The following RBFOX1 variants were observed in gnomAD, a reference collection of about 807,000 sequenced individuals.
RBFOX1 encodes RNA binding protein fox-1 homolog 1.
A neutral mutation model predicts 57.7 loss-of-function variants in RBFOX1; 8 were observed. The ratio of observed to expected loss-of-function variants is 0.14; its 90% CI spans 0.08 to 0.25. The LOEUF is 0.25. RBFOX1 is among the 10% of genes least tolerant of loss of function. The pLI is 1.00. For missense variants in RBFOX1, 611 were observed against 548.5 expected (o/e 1.11, Z -1.14); for synonymous variants, 326 against 222.4 (o/e 1.47, Z -4.15).
chr16:6,815,757 T>A (rs1348303005), intron 3 of RBFOX1, among the ~76,000 whole-genome samples: 1 of 152,188 alleles, frequency 6.6e-6, no homozygotes, highest in Non-Finnish European at 1.5e-5. Flanking sequence ...AAGTCTATAG[T>A]TTGCAGCCAA....
At chr16:5,785,527 C>G (rs1409608002) in intron 3 of RBFOX1, among the ~76,000 whole-genome samples, 2 of 151,644 alleles carry the variant, frequency 1.3e-5, no homozygotes, top group African/African-American at 4.8e-5. Context: ...TTCTTTCTTT[C>G]TTTCTTTTTC....
chr16:7,250,574 C>G (rs1344393388), intron 4 of RBFOX1, among the ~76,000 whole-genome samples: 1 of 152,202 alleles, frequency 6.6e-6, no homozygotes, highest in Non-Finnish European at 1.5e-5. Flanking sequence ...AAGGCAAAGA[C>G]TAAGAGTATA....
At chr16:6,203,764 G>C (rs1016328809) in intron 1 of RBFOX1, among the ~76,000 whole-genome samples, 1 of 152,126 alleles carries the variant, frequency 6.6e-6, no homozygotes, top group Admixed American at 6.5e-5. Flanking sequence ...AACATAAATT[G>C]GTGCAGCCAC....
At chr16:6,506,890 C>A (rs968535994) in intron 2 of RBFOX1, among the ~76,000 whole-genome samples, 2 of 152,076 alleles carry the variant, frequency 1.3e-5, no homozygotes, top group Non-Finnish European at 2.9e-5. Context: ...TCAAGTGATC[C>A]ACCTGCCTTG....
intron 2 of RBFOX1, among the ~76,000 whole-genome samples, chr16:6,441,114 C>T (rs918991704): frequency 1.3e-5 from 2 of 152,116 alleles, no homozygotes; most frequent in African/African-American, 4.8e-5. Flanking sequence ...AGCCCAGTGC[C>T]GTTGCTCTCA....
At chr16:5,609,096 C>G (rs1212753189) in intron 3 of RBFOX1, among the ~76,000 whole-genome samples, 1 of 152,098 alleles carries the variant, frequency 6.6e-6, no homozygotes, top group Non-Finnish European at 1.5e-5. Context: ...GTTCAATATT[C>G]TCAGTAATGA....
At chr16:7,418,819 C>CT (rs1440603733) in intron 4 of RBFOX1, among the ~76,000 whole-genome samples, 1 of 151,736 alleles carries the variant, frequency 6.6e-6, no homozygotes, top group Non-Finnish European at 1.5e-5. Flanking sequence ...TCTCTCACCT[C>CT]TTTTTTCTCT....
intron 2 of RBFOX1, among the ~76,000 whole-genome samples, chr16:6,377,312 C>G (rs983384625): frequency 6.6e-6 from 1 of 151,282 alleles, no homozygotes; most frequent in Non-Finnish European, 1.5e-5. Context: ...AAAAAGGTAT[C>G]AGTCCCTGTA....
intron 1 of RBFOX1, among the ~76,000 whole-genome samples, chr16:6,305,349 A>G (rs894985704): frequency 6.6e-6 from 1 of 152,174 alleles, no homozygotes; most frequent in Admixed American, 6.5e-5. Context: ...TGTCAGTGCA[A>G]TGCTGCATGC....
intron 1 of RBFOX1, among the ~76,000 whole-genome samples, chr16:6,258,308 A>G (rs1410868967): frequency 1.3e-5 from 2 of 151,904 alleles, no homozygotes; most frequent in East Asian, 3.8e-4. Flanking sequence ...TGAAGCTACA[A>G]TGACAGCAAA....
intron 3 of RBFOX1, among the ~76,000 whole-genome samples, chr16:6,836,164 C>T (rs1019247949): frequency 2.6e-5 from 4 of 152,200 alleles, no homozygotes; most frequent in Non-Finnish European, 5.9e-5. Context: ...TAATACGTCA[C>T]CGGGTAACGC....
rs532127542 is a variant in RBFOX1 at position 7,292,620 on chromosome 16, C to T, written c.28-225527C>T. On this transcript the variant is annotated intron_variant, in intron 4 of 15. Transcript: ENST00000550418. ...AGGGTATAGGAGGTAAGAGACCTAA[C>T]AAAGCACGAAGTGATGCCAAGCGAG... 6.6e-5 allele frequency among the ~76,000 whole-genome samples: 10 copies of T among 150,878 alleles called. No individual in the cohort carries two copies. The Admixed American group carries it at 6.7e-4, about 10-fold the overall frequency.
At chr16:5,724,398 C>G (rs2052054336) in intron 3 of RBFOX1, among the ~76,000 whole-genome samples, 1 of 152,068 alleles carries the variant, frequency 6.6e-6, no homozygotes, top group African/African-American at 2.4e-5. Flanking sequence ...GGTGATGGGC[C>G]TCATTTGGTC....
At chr16:6,102,094 C>A (rs2096317230) in intron 1 of RBFOX1, among the ~76,000 whole-genome samples, 1 of 150,632 alleles carries the variant, frequency 6.6e-6, no homozygotes, top group Non-Finnish European at 1.5e-5. Context: ...GTCTGATTTC[C>A]TTCCTTATAA....
At chr16:6,852,580 C>T (rs1304525655) in intron 3 of RBFOX1, among the ~76,000 whole-genome samples, 2 of 152,200 alleles carry the variant, frequency 1.3e-5, no homozygotes, top group African/African-American at 2.4e-5. Flanking sequence ...AGGAAAGGTG[C>T]ATGTTGGAAA....
At chr16:5,540,179 A>C (rs555649008) in intron 2 of RBFOX1, among the ~76,000 whole-genome samples, 1 of 152,340 alleles carries the variant, frequency 6.6e-6, no homozygotes, top group Admixed American at 6.5e-5. Flanking sequence ...GGTCTTAGAC[A>C]CCATGTGGCA....
intron 4 of RBFOX1, among the ~76,000 whole-genome samples, chr16:7,260,372 A>G (rs1031069559): frequency 6.6e-6 from 1 of 152,252 alleles, no homozygotes; most frequent in African/African-American, 2.4e-5. Context: ...GCTCTTAAAA[A>G]TTAAGCAAGA....
At chr16:6,604,344 T>A (rs908677377) in intron 2 of RBFOX1, among the ~76,000 whole-genome samples, 1 of 152,164 alleles carries the variant, frequency 6.6e-6, no homozygotes, top group African/African-American at 2.4e-5. Context: ...CTTATTTTTT[T>A]AATTTATTTT....
chr16:6,399,353 T>A (rs57768502), intron 2 of RBFOX1, among the ~76,000 whole-genome samples: 5 of 151,990 alleles, frequency 3.3e-5, no homozygotes, highest in Non-Finnish European at 7.4e-5. Context: ...TTGTTACTTA[T>A]GCGGATTTCT....
Sources: gnomAD v4.1 joint callset for allele counts (sites outside exome capture counted in the v4.1 genomes callset) on GRCh38, gnomAD v4.1.1 for gene constraint, MANE v1.5 for transcripts, NCBI Gene and HGNC (gene_info 2026-07-23, HGNC 2026-07-21) for gene names.